Variants in DRICH1 observed in about 807,000 individuals in gnomAD.
DRICH1 encodes the protein aspartate-rich protein 1.
Under a neutral mutation model 39.5 loss-of-function variants are expected in DRICH1, and 38 were observed. The ratio of observed to expected loss-of-function variants is 0.96; its 90% CI spans 0.74 to 1.26. DRICH1 has a LOEUF of 1.26. DRICH1 is among the 50% of genes most tolerant of loss of function. The pLI, the probability that DRICH1 is intolerant of heterozygous loss-of-function variation, is 0.00. For synonymous variants in DRICH1, 84 were observed against 99.5 expected, an observed-to-expected ratio of 0.84 and a Z score of 0.93; for missense variants, 279 against 270.4, an observed-to-expected ratio of 1.03 and a Z score of -0.22.
At chr22:23,624,492 G>C (rs1927943690) in intron 3 of DRICH1, among the ~76,000 whole-genome samples, 3 of 152,068 alleles carry the variant, frequency 2.0e-5, no homozygotes, top group African/African-American at 7.2e-5. Flanking sequence ...CCAAGCAGCA[G>C]GTATAACATG....
chr22:23,608,619 C>T lies in DRICH1; in HGVS notation c.*145G>A. On this transcript the variant is annotated 3_prime_UTR_variant, in exon 12 of 12. Transcript: ENST00000317749. ...GTGCTGGCGGTGGGTGGGAAGCAGCCTTGGACTTTTTCTCTCTGCTGGGAC... is the reference window on the plus strand; with the variant it reads ...GTGCTGGCGGTGGGTGGGAAGCAGCTTTGGACTTTTTCTCTCTGCTGGGAC... 1.2e-6 allele frequency: 1 copy of T among 839,012 alleles called. No homozygotes were observed. The highest frequency in any genetic ancestry group is 1.7e-5 in the African/African-American group (1 of 59,556). The allele number at this position is 839,012 out of a possible 1,614,324, so 52.0% of individuals were successfully genotyped here.
At chr22:23,619,132 A>T (rs1435615369) in intron 6 of DRICH1, among the ~76,000 whole-genome samples, 1 of 148,824 alleles carries the variant, frequency 6.7e-6, no homozygotes, top group Non-Finnish European at 1.5e-5. Flanking sequence ...AGATCACATC[A>T]CTGCACCCCA....
chr22:23,615,948 T>G (rs1383877340), intron 8 of DRICH1, among the ~76,000 whole-genome samples: 1 of 151,738 alleles, frequency 6.6e-6, no homozygotes, highest in Admixed American at 6.6e-5. Context: ...ATATTCTCAT[T>G]CAAATAAAGA....
At chr22:23,601,039 G>A in the DRICH1 span, among the ~76,000 whole-genome samples, 695 of 151,974 alleles carry the variant, frequency 4.6e-3, 2 homozygotes, top group African/African-American at 0.016. Flanking sequence ...TTATCCAAAC[G>A]GAATGAAAAC....
Position 23,626,035 on chromosome 22 carries a change from G to A in DRICH1, c.222C>T (p.Asp74=). 1.2e-6 allele frequency: 2 copies of A among 1,612,724 alleles called. No individual in the cohort carries two copies. The highest frequency in any genetic ancestry group is 8.5e-7 in the Non-Finnish European group (1 of 1,179,206). Residue 74 remains aspartate (D), a synonymous_variant, in exon 2 of 12, where the codon GAC becomes GAT. Coordinates refer to ENST00000317749, the MANE Select transcript of DRICH1 (RefSeq NM_016449.4). The stretch of plus-strand genomic sequence containing the variant: ...ATGGCAGAAATTTTAAACTCAGGCG[G>A]TCCTCAGGGGGACCTAAAAGGACAC... ...NQKMPTGPPE[D]RLSLKFLPSS...
chr22:23,613,221 A>G (rs1483642358), intron 11 of DRICH1, 68 bp downstream of exon 11: 2 of 1,194,718 alleles, frequency 1.7e-6, no homozygotes. Context: ...CTCACAAGCA[A>G]CAGGGATAAC....
At chr22:23,594,320 G>A in the DRICH1 span, among the ~76,000 whole-genome samples, 34,752 of 152,164 alleles carry the variant, frequency 0.23, 4,368 homozygotes, top group Non-Finnish European at 0.28. Context: ...TGTAATCAAA[G>A]CACTTTGGGA....
rs1927435849 is a variant in DRICH1 at position 23,617,576 on chromosome 22, T to C, written c.518A>G (p.Gln173Arg). ...GAAGACAAAGAAAGGTTGTCTTACC[T>C]GGGCATCATCATCATCATCATCACA... ...DDCDDDDDDA[Q>R]ILPSPVQACS... Residue 173 changes from glutamine to arginine, a missense_variant and splice_region_variant, in exon 7 of 12, where the codon CAG (glutamine) becomes CGG (arginine). Physicochemically the swap from Gln to Arg is conservative, Grantham distance 43. Transcript: ENST00000317749. 6.2e-7 allele frequency: 1 copy of C among 1,613,066 alleles called. No homozygotes were observed. The highest frequency in any genetic ancestry group is 1.4e-5 in the African/African-American group (1 of 74,022).
chr22:23,595,064 T>C, the DRICH1 span, among the ~76,000 whole-genome samples: 453 of 148,838 alleles, frequency 3.0e-3, 1 homozygote, highest in Middle Eastern at 0.014. Flanking sequence ...ACCACCCAGG[T>C]CCTCAGTGTC....
intron 1 of DRICH1, among the ~76,000 whole-genome samples, chr22:23,630,204 G>A (rs1478870246): frequency 6.6e-6 from 1 of 152,138 alleles, no homozygotes; most frequent in Non-Finnish European, 1.5e-5. Context: ...CCATCTGATG[G>A]TGGGCAATGT....
downstream of DRICH1, among the ~76,000 whole-genome samples, chr22:23,606,760 G>A (rs998165510): frequency 3.3e-5 from 5 of 152,058 alleles, no homozygotes; most frequent in Admixed American, 6.6e-5. Flanking sequence ...GCCCTGCTAC[G>A]GCAGATGCCC....
chr22:23,627,271 C>T (rs1464722448), intron 1 of DRICH1, among the ~76,000 whole-genome samples: 1 of 152,010 alleles, frequency 6.6e-6, no homozygotes, highest in Non-Finnish European at 1.5e-5. Context: ...TGGGGTTTCA[C>T]CATGTTGGCC....
At chr22:23,624,043 T>G in intron 3 of DRICH1, 1 of 985,376 alleles carries the variant, frequency 1.0e-6, no homozygotes, top group Non-Finnish European at 1.2e-6. Flanking sequence ...ACTGGACCTT[T>G]TGCAGTGAGC....
At chr22:23,618,868 AT>A (rs1190238722) in intron 6 of DRICH1, among the ~76,000 whole-genome samples, 1 of 152,150 alleles carries the variant, frequency 6.6e-6, no homozygotes, top group African/African-American at 2.4e-5. Flanking sequence ...CATACAAAAT[AT>A]TGGTATAAGA....
At chr22:23,594,057 C>T in the DRICH1 span, among the ~76,000 whole-genome samples, 3 of 151,500 alleles carry the variant, frequency 2.0e-5, no homozygotes, top group East Asian at 5.8e-4. Context: ...GACCAAGATA[C>T]ACATTATGCA....
the DRICH1 span, among the ~76,000 whole-genome samples, chr22:23,585,448 T>G: frequency 3.3e-5 from 5 of 152,330 alleles, no homozygotes; most frequent in African/African-American, 1.2e-4. Context: ...GCAGCGTATT[T>G]CTTAATTTCC....
chr22:23,604,182 GTC>G (rs1259016038), downstream of DRICH1, among the ~76,000 whole-genome samples: 4 of 152,110 alleles, frequency 2.6e-5, no homozygotes, highest in Admixed American at 2.6e-4. Context: ...CCCCAGATGA[GTC>G]TGTCCTCCAG....
At chr22:23,601,126 G>C in the DRICH1 span, among the ~76,000 whole-genome samples, 1 of 150,600 alleles carries the variant, frequency 6.6e-6, no homozygotes, top group South Asian at 2.1e-4. Context: ...GAAACATCTG[G>C]TTTGACCTAA....
intron 1 of DRICH1, among the ~76,000 whole-genome samples, chr22:23,628,599 G>A (rs985660291): frequency 2.0e-5 from 3 of 152,038 alleles, no homozygotes; most frequent in Non-Finnish European, 2.9e-5. Flanking sequence ...ACACATTTCT[G>A]AGCCAGACAA....
Sources: allele counts gnomAD v4.1 joint callset (sites outside exome capture counted in the v4.1 genomes callset), GRCh38; gene constraint gnomAD v4.1.1; transcripts MANE v1.5; gene names NCBI Gene and HGNC (gene_info 2026-07-23, HGNC 2026-07-21).